Variants in MREG observed in about 807,000 individuals in gnomAD.
MREG encodes melanoregulin.
In MREG, 31 loss-of-function variants were observed where a neutral mutation model predicts 28.5. The ratio of observed to expected loss-of-function variants is 1.09; its 90% CI spans 0.82 to 1.47. The LOEUF (loss-of-function observed/expected upper bound fraction) is 1.47. Among genes scored for constraint, MREG ranks in the 40% most tolerant of loss-of-function variants. The pLI, the probability that MREG is intolerant of heterozygous loss-of-function variation, is 0.00. For missense variants in MREG, 256 were observed against 257.4 expected (o/e 0.99, Z 0.04); for synonymous variants, 106 against 95.2 (o/e 1.11, Z -0.66).
intron 3 of MREG, among the ~76,000 whole-genome samples, chr2:215,946,238 A>T (rs1488595793): frequency 8.6e-5 from 12 of 139,376 alleles, no homozygotes; most frequent in Non-Finnish European, 1.9e-4. Context: ...TTCATTGTTT[A>T]AAAAAAAAAA....
At chr2:215,942,533 T>A (rs1201871265), downstream of MREG, among the ~76,000 whole-genome samples, 1 of 152,228 alleles carries the variant, frequency 6.6e-6, no homozygotes, top group African/African-American at 2.4e-5. Flanking sequence ...AAAGGGATTA[T>A]GGAAAGAATA....
rs1250183451 is a variant in MREG at position 215,945,708 on chromosome 2, A to T, written c.373T>A (p.Leu125Met). The change falls in exon 4 of 5, where the codon TTG becomes ATG. Residue 125 changes from leucine to methionine, a missense_variant. Transcript: ENST00000263268. ...LGFQKEADSL[L>M]SVTKLSTISD... ...ATGGTGCTGAGTTTAGTCACTGACAACAAAGAGTCAGCTTCCTTTTGAAAA... is the reference window on the plus strand; with the variant it reads ...ATGGTGCTGAGTTTAGTCACTGACATCAAAGAGTCAGCTTCCTTTTGAAAA... 1.2e-6 allele frequency: 2 copies of T among 1,613,416 alleles called. No individual in the cohort carries two copies. Among genetic ancestry groups the T allele is most frequent in the South Asian group, 2.2e-5 (2 of 91,002 alleles).
At chr2:215,985,276 G>A (rs1324851061) in intron 2 of MREG, among the ~76,000 whole-genome samples, 2 of 152,166 alleles carry the variant, frequency 1.3e-5, no homozygotes, top group South Asian at 2.1e-4. Context: ...AGCAGAGCAC[G>A]TTATGTAAAG....
At chr2:216,018,780 C>T (rs1694481718) in intron 1 of MREG, among the ~76,000 whole-genome samples, 1 of 152,216 alleles carries the variant, frequency 6.6e-6, no homozygotes, top group South Asian at 2.1e-4. Context: ...GTATCCCTCA[C>T]TCTGCCTTTT....
At chr2:216,015,325 G>A (rs1419997403), upstream of MREG, among the ~76,000 whole-genome samples, 1 of 152,032 alleles carries the variant, frequency 6.6e-6, no homozygotes, top group Non-Finnish European at 1.5e-5. Flanking sequence ...CCATGATATC[G>A]CCAGGAAGAG....
intron 1 of MREG, among the ~76,000 whole-genome samples, chr2:216,025,885 T>C (rs977520621): frequency 6.6e-6 from 1 of 152,226 alleles, no homozygotes; most frequent in African/African-American, 2.4e-5. Context: ...AGGAATTCTT[T>C]TATCAGATTT....
intron 2 of MREG, among the ~76,000 whole-genome samples, chr2:215,976,734 T>G (rs1693271756): frequency 6.6e-6 from 1 of 152,104 alleles, no homozygotes; most frequent in South Asian, 2.1e-4. Flanking sequence ...TCAACATTCT[T>G]AAAGAAAAGA....
intron 2 of MREG, among the ~76,000 whole-genome samples, chr2:215,955,440 T>G (rs1235566016): frequency 1.3e-5 from 2 of 152,238 alleles, no homozygotes; most frequent in African/African-American, 2.4e-5. Flanking sequence ...AATTTTCATT[T>G]CAACTCAAAC....
chr2:216,004,283 T>G (rs1694094415), intron 1 of MREG, among the ~76,000 whole-genome samples: 1 of 152,236 alleles, frequency 6.6e-6, no homozygotes, highest in African/African-American at 2.4e-5. Flanking sequence ...CTTGCTCTAC[T>G]TTTGTTTCCT....
rs71935773 is a variant in MREG at position 215,964,840 on chromosome 2, CAGATAGATAGAT to C, written c.256-17739_256-17728del. Among the ~76,000 whole-genome samples, 598 of 149,742 alleles carry C rather than the reference CAGATAGATAGAT, an allele frequency of 4.0e-3. 4 individuals are homozygous for C. Among genetic ancestry groups the C allele is most frequent in the African/African-American group, 9.7e-3 (392 of 40,590 alleles). The stretch of plus-strand genomic sequence containing the variant: ...AGTTCTAAGAATCTAGACAGACAGA[CAGATAGATAGAT>C]AGATAGATAGATAGATAGATAGATA... On this transcript the variant is annotated intron_variant, in intron 2 of 4. Coordinates refer to ENST00000263268, the MANE Select transcript of MREG (RefSeq NM_018000.3).
At chr2:215,970,567 T>C (rs1173448160) in intron 2 of MREG, among the ~76,000 whole-genome samples, 1 of 152,210 alleles carries the variant, frequency 6.6e-6, no homozygotes, top group African/African-American at 2.4e-5. Flanking sequence ...CAAGAGTCTC[T>C]TACTCATCTG....
At chr2:215,948,634 A>G (rs1190578569) in intron 2 of MREG, among the ~76,000 whole-genome samples, 1 of 152,208 alleles carries the variant, frequency 6.6e-6, no homozygotes, top group Non-Finnish European at 1.5e-5. Context: ...GGGCCTTATT[A>G]TACTTACTTG....
At chr2:215,953,701 G>T (rs974398263) in intron 2 of MREG, among the ~76,000 whole-genome samples, 1 of 152,164 alleles carries the variant, frequency 6.6e-6, no homozygotes, top group African/African-American at 2.4e-5. Flanking sequence ...TGAGACTCTG[G>T]GTCAATTCTC....
At chr2:215,980,786 T>C (rs1057215495) in intron 2 of MREG, among the ~76,000 whole-genome samples, 1 of 131,506 alleles carries the variant, frequency 7.6e-6, no homozygotes, top group Non-Finnish European at 1.5e-5. Context: ...CCCTCCAGCC[T>C]GGGCAACAAA....
chr2:215,993,162 T>G (rs1027678755), intron 2 of MREG, among the ~76,000 whole-genome samples: 8 of 152,080 alleles, frequency 5.3e-5, no homozygotes, highest in African/African-American at 1.7e-4. Flanking sequence ...CTACCTGACT[T>G]CAAACTATAT....
Position 216,030,944 on chromosome 2 carries a change from TCTCTCTCTCTCTCACACACA to T in MREG, c.-68+1825_-68+1844del, listed in dbSNP as rs1472516424. Among the ~76,000 whole-genome samples the T allele has an allele frequency of 8.8e-3, 504 of 57,418 alleles. 4 individuals carry two copies. Among genetic ancestry groups the T allele is most frequent in the African/African-American group, 0.023 (486 of 21,220 alleles). The allele number at this position is 57,418 out of a possible 152,430, so 37.7% of individuals were successfully genotyped here. Reference sequence around the variant, plus strand: ...GAGGCCCATTCTCTCTCTCTCTCTCTCTCTCTCTCTCTCACACACACACACACACACACACACACACACAC... The same window carrying T: ...GAGGCCCATTCTCTCTCTCTCTCTCTCACACACACACACACACACACACAC... On this transcript the variant is annotated intron_variant, in intron 1 of 3. Coordinates refer to the MREG transcript ENST00000420348.
chr2:215,987,044 G>T (rs1239215598), intron 2 of MREG, among the ~76,000 whole-genome samples: 1 of 152,118 alleles, frequency 6.6e-6, no homozygotes, highest in Non-Finnish European at 1.5e-5. Context: ...AATATCAATA[G>T]GAACTGGTTG....
intron 2 of MREG, among the ~76,000 whole-genome samples, chr2:215,983,276 G>A (rs951600187): frequency 1.3e-5 from 2 of 152,228 alleles, no homozygotes; most frequent in African/African-American, 2.4e-5. Context: ...AATTCTTGGG[G>A]ACATATTGAG....
chr2:215,950,942 T>C (rs1692464892), intron 2 of MREG, among the ~76,000 whole-genome samples: 1 of 152,186 alleles, frequency 6.6e-6, no homozygotes, highest in Non-Finnish European at 1.5e-5. Flanking sequence ...TGTCTCGTGA[T>C]AGAGTTTTCA....
Sources: gnomAD v4.1 joint callset for allele counts (sites outside exome capture counted in the v4.1 genomes callset) on GRCh38, gnomAD v4.1.1 for gene constraint, MANE v1.5 for transcripts, NCBI Gene and HGNC (gene_info 2026-07-23, HGNC 2026-07-21) for gene names.